ERC2: variants seen among roughly 807,000 people sequenced by gnomAD.
The protein encoded by ERC2 is ELKS/RAB6-interacting/CAST family member 2.
Under a neutral mutation model 114.8 loss-of-function variants are expected in ERC2, and 42 were observed. That is an observed-to-expected ratio of 0.37 (90% CI 0.29 to 0.47). ERC2 has a LOEUF of 0.47. Among genes scored for constraint, ERC2 ranks in the 20% least tolerant of loss-of-function variants. The pLI, the probability that ERC2 is intolerant of heterozygous loss-of-function variation, is 0.99. For synonymous variants in ERC2, 454 were observed against 425.5 expected, an observed-to-expected ratio of 1.07 and a Z score of -0.82; for missense variants, 939 against 1,150.7, an observed-to-expected ratio of 0.82 and a Z score of 2.66.
At chr3:56,344,619 G>A (rs1447106548) in intron 2 of ERC2, among the ~76,000 whole-genome samples, 2 of 152,140 alleles carry the variant, frequency 1.3e-5, no homozygotes, top group Non-Finnish European at 2.9e-5. Context: ...TTATTTCTTT[G>A]ATAGCTTCTT....
At chr3:55,568,923 G>A (rs2056537781) in intron 17 of ERC2, among the ~76,000 whole-genome samples, 1 of 152,120 alleles carries the variant, frequency 6.6e-6, no homozygotes, top group South Asian at 2.1e-4. Context: ...ATGAACACGT[G>A]CTAGGCACAG....
intron 12 of ERC2, among the ~76,000 whole-genome samples, chr3:55,951,364 T>C (rs1425838971): frequency 6.6e-6 from 1 of 152,228 alleles, no homozygotes; most frequent in Non-Finnish European, 1.5e-5. Flanking sequence ...ACAGTTTGGC[T>C]AATCATAATG....
intron 3 of ERC2, among the ~76,000 whole-genome samples, chr3:56,191,882 A>C (rs558683370): frequency 6.6e-6 from 1 of 152,300 alleles, no homozygotes; most frequent in East Asian, 1.9e-4. Context: ...ACACCTGTGC[A>C]CAAATGTCTC....
intron 6 of ERC2, among the ~76,000 whole-genome samples, chr3:56,099,335 C>T (rs2078226620): frequency 6.6e-6 from 1 of 152,206 alleles, no homozygotes; most frequent in Non-Finnish European, 1.5e-5. Context: ...TTTGTTATGG[C>T]TGTCCTAGAA....
At chr3:56,255,177 C>T (rs1242894949) in intron 3 of ERC2, among the ~76,000 whole-genome samples, 2 of 152,218 alleles carry the variant, frequency 1.3e-5, no homozygotes, top group Admixed American at 1.3e-4. Flanking sequence ...CTACCTCTAA[C>T]TTCTTGACAC....
At chr3:55,833,842 T>C (rs1375548449) in intron 14 of ERC2, among the ~76,000 whole-genome samples, 1 of 152,144 alleles carries the variant, frequency 6.6e-6, no homozygotes, top group Non-Finnish European at 1.5e-5. Context: ...AAGACCCATC[T>C]GTCTGCTGTA....
At chr3:55,995,562 G>C (rs1428938616) in intron 10 of ERC2, among the ~76,000 whole-genome samples, 2 of 152,070 alleles carry the variant, frequency 1.3e-5, no homozygotes, top group African/African-American at 2.4e-5. Flanking sequence ...AAGATGACAG[G>C]GAAACCGCTG....
chr3:55,589,362 CTG>C (rs1335798434), intron 17 of ERC2, among the ~76,000 whole-genome samples: 1 of 152,086 alleles, frequency 6.6e-6, no homozygotes, highest in Non-Finnish European at 1.5e-5. Flanking sequence ...GATGGTGACT[CTG>C]TGAGAATTGG....
chr3:56,224,231 T>C (rs2050107455), intron 3 of ERC2, among the ~76,000 whole-genome samples: 2 of 152,190 alleles, frequency 1.3e-5, no homozygotes, highest in African/African-American at 2.4e-5. Flanking sequence ...TTTTAATTAA[T>C]TGTCCCACCA....
At chr3:55,836,188 T>C (rs1364386869) in intron 14 of ERC2, among the ~76,000 whole-genome samples, 1 of 152,112 alleles carries the variant, frequency 6.6e-6, no homozygotes, top group East Asian at 1.9e-4. Context: ...CCAAGGTAAT[T>C]TATAGATTCA....
chr3:55,587,826 G>A, intron 17 of ERC2, among the ~76,000 whole-genome samples: 1 of 152,122 alleles, frequency 6.6e-6, no homozygotes, highest in Non-Finnish European at 1.5e-5. Context: ...TCCTAGTAAT[G>A]ACCTTTTAAA....
At chr3:55,911,906 T>C (rs1446121768) in intron 13 of ERC2, among the ~76,000 whole-genome samples, 1 of 152,062 alleles carries the variant, frequency 6.6e-6, no homozygotes, top group Non-Finnish European at 1.5e-5. Flanking sequence ...AAAGGAGCAA[T>C]TTGATTGTGG....
intron 3 of ERC2, among the ~76,000 whole-genome samples, chr3:56,254,191 G>C (rs13081691): frequency 6.6e-6 from 1 of 152,148 alleles, no homozygotes; most frequent in East Asian, 1.9e-4. Flanking sequence ...GGATTGCTGC[G>C]GCATGATGGG....
rs186361906 is a variant in ERC2, at chr3:55,796,089, G to A, written c.2565-61171C>T. Among the ~76,000 whole-genome samples, 23 of 152,334 alleles carry A rather than the reference G, an allele frequency of 1.5e-4. No individual in the cohort carries two copies. In the East Asian group the frequency reaches 4.1e-3, roughly 27 times the overall value. On this transcript the variant is annotated intron_variant, in intron 14 of 17. Coordinates refer to ENST00000288221, the MANE Select transcript of ERC2 (RefSeq NM_015576.3). The stretch of plus-strand genomic sequence containing the variant: ...AAGTTGTGGTGGTTGAGGGGGGAGG[G>A]TAGAAAGAAATCAAGGCAGGCCTCT...
chr3:55,997,799 A>G (rs1282373770), intron 10 of ERC2, among the ~76,000 whole-genome samples: 1 of 150,094 alleles, frequency 6.7e-6, no homozygotes, highest in Admixed American at 6.6e-5. Flanking sequence ...ATATATCAAT[A>G]CCAGGCATCA....
intron 3 of ERC2, among the ~76,000 whole-genome samples, chr3:56,212,820 T>G (rs188060517): frequency 6.6e-6 from 1 of 151,532 alleles, no homozygotes; most frequent in African/African-American, 2.4e-5. Flanking sequence ...CACATGCACA[T>G]GCACACACCA....
chr3:56,063,540 T>G (rs1005266130), intron 7 of ERC2, among the ~76,000 whole-genome samples: 7 of 152,198 alleles, frequency 4.6e-5, no homozygotes, highest in African/African-American at 1.7e-4. Flanking sequence ...GAACACCTAC[T>G]ATGCTGAGAA....
chr3:56,198,836 G>C (rs2048254242), intron 3 of ERC2, among the ~76,000 whole-genome samples: 1 of 152,092 alleles, frequency 6.6e-6, no homozygotes. Flanking sequence ...CTGGGACTGG[G>C]TCCAGACTAT....
At chr3:56,159,877 T>C (rs924975290) in intron 4 of ERC2, among the ~76,000 whole-genome samples, 2 of 152,200 alleles carry the variant, frequency 1.3e-5, no homozygotes, top group African/African-American at 2.4e-5. Flanking sequence ...CCATGGCGTA[T>C]ACATACTAAG....
Sources: gnomAD v4.1 joint callset for allele counts (sites outside exome capture counted in the v4.1 genomes callset) on GRCh38, gnomAD v4.1.1 for gene constraint, MANE v1.5 for transcripts, NCBI Gene and HGNC (gene_info 2026-07-23, HGNC 2026-07-21) for gene names.